Variants in SNX29 observed in about 807,000 individuals in gnomAD.
The protein encoded by SNX29 is sorting nexin 29, also known as sorting nexin-29.
In SNX29, 78 loss-of-function variants were observed where a neutral mutation model predicts 102.1. The ratio of observed to expected loss-of-function variants is 0.76; its 90% CI spans 0.64 to 0.92. The LOEUF is 0.92. Among genes scored for constraint, SNX29 ranks in the 40% least tolerant of loss-of-function variants. The pLI is 0.00. For synonymous variants in SNX29, 580 were observed against 414.5 expected (o/e 1.40, Z -4.85); for missense variants, 1,280 against 1,061.7 (o/e 1.21, Z -2.86).
At chr16:12,412,949 T>C (rs2084465326) in intron 18 of SNX29, among the ~76,000 whole-genome samples, 1 of 152,234 alleles carries the variant, frequency 6.6e-6, no homozygotes, top group Non-Finnish European at 1.5e-5. Context: ...TGGCTCTCTC[T>C]CCCTTTCCTG....
chr16:12,344,345 G>A (rs954169441), intron 15 of SNX29, among the ~76,000 whole-genome samples: 4 of 152,104 alleles, frequency 2.6e-5, no homozygotes, highest in Non-Finnish European at 5.9e-5. Flanking sequence ...CCAATCCCAC[G>A]GCCTTTAGTG....
chr16:12,183,674 G>C (rs1380577585), intron 13 of SNX29, among the ~76,000 whole-genome samples: 1 of 152,216 alleles, frequency 6.6e-6, no homozygotes, highest in African/African-American at 2.4e-5. Context: ...TGGAATAGGG[G>C]CTGGGTAGAA....
chr16:12,538,683 C>A (rs772228669), intron 20 of SNX29, among the ~76,000 whole-genome samples: 3 of 152,098 alleles, frequency 2.0e-5, no homozygotes, highest in East Asian at 1.9e-4. Flanking sequence ...CATCCTCCTC[C>A]CAGGACCAGT....
At chr16:12,533,267 C>T (rs940539216) in intron 20 of SNX29, among the ~76,000 whole-genome samples, 7 of 152,374 alleles carry the variant, frequency 4.6e-5, no homozygotes, top group Middle Eastern at 3.4e-3. Flanking sequence ...GAGTGCTTTG[C>T]AGAATCCGTA....
chr16:12,232,069 G>C (rs922658785), intron 14 of SNX29, among the ~76,000 whole-genome samples: 19 of 152,086 alleles, frequency 1.2e-4, no homozygotes, highest in Admixed American at 5.2e-4. Flanking sequence ...TGCCCTTCTG[G>C]TTGTGTGCCC....
At chr16:12,029,300 C>A (rs1483097902) in intron 4 of SNX29, among the ~76,000 whole-genome samples, 2 of 152,120 alleles carry the variant, frequency 1.3e-5, no homozygotes, top group Non-Finnish European at 2.9e-5. Context: ...GGGCATTATT[C>A]ATTGCGTGCA....
intron 18 of SNX29, among the ~76,000 whole-genome samples, chr16:12,449,402 G>C (rs147973454): frequency 4.9e-4 from 75 of 152,172 alleles, no homozygotes; most frequent in African/African-American, 1.7e-3. Context: ...ATATGTGTGA[G>C]CTTGGAGTGA....
chr16:12,110,886 C>T (rs980610110), intron 11 of SNX29, among the ~76,000 whole-genome samples: 3 of 151,490 alleles, frequency 2.0e-5, no homozygotes, highest in African/African-American at 4.9e-5. Context: ...TGCAGTGGTG[C>T]GATCATAGCC....
rs1248117981 is a variant in SNX29 at position 11,984,631 on chromosome 16, CCT to C, written c.7+7828_7+7829del. Among the ~76,000 whole-genome samples, 24 of 151,802 alleles carry C rather than the reference CCT, an allele frequency of 1.6e-4. 1 individual carries two copies. The South Asian group carries it at 5.0e-3, about 32-fold the overall frequency. On this transcript the variant is annotated intron_variant, in intron 1 of 20. Transcript: ENST00000566228. ...CCTCTCTCCCTCTCCTCCCTCTCTCCCTCTCTCTCTCCCTTCCTCCCTTTCCT... is the reference window on the plus strand; with the variant it reads ...CCTCTCTCCCTCTCCTCCCTCTCTCCCTCTCTCTCCCTTCCTCCCTTTCCT...
Position 12,573,478 on chromosome 16 carries a change from G to C in SNX29, c.*4849G>C, listed in dbSNP as rs1055061998. ...ACATTAAGGAGCAGCGCTGCTGGCG[G>C]AAGATTCTAGATTCACTGGTGGTTT... On this transcript the variant is annotated 3_prime_UTR_variant, in exon 21 of 21. Transcript: ENST00000566228. 5 of 223,978 alleles carry C rather than the reference G, an allele frequency of 2.2e-5. No individual in the cohort carries two copies. Among genetic ancestry groups the C allele is most frequent in the Non-Finnish European group, 4.4e-5 (5 of 112,386 alleles). The allele number at this position is 223,978 out of a possible 1,614,324, so 13.9% of individuals were successfully genotyped here. A position where few individuals can be genotyped will look rare whatever the true frequency, so the allele number is the denominator to read the frequency against.
chr16:12,469,397 C>T (rs896654944), intron 18 of SNX29, among the ~76,000 whole-genome samples: 1 of 152,346 alleles, frequency 6.6e-6, no homozygotes, highest in African/African-American at 2.4e-5. Context: ...TACATTAACA[C>T]AGGCCTTGAA....
intron 18 of SNX29, among the ~76,000 whole-genome samples, chr16:12,424,904 C>T (rs1475689988): frequency 1.3e-5 from 2 of 152,108 alleles, no homozygotes; most frequent in African/African-American, 2.4e-5. Flanking sequence ...ACTAATCAAC[C>T]ACATCAATAA....
chr16:12,572,055 G>T lies in SNX29; in HGVS notation c.*3426G>T, dbSNP rs931934403. ...TCATCCAGTGGAGTTGTAAACAAGG[G>T]AACCATCTTGCAAGATCTAGGAAGA... On this transcript the variant is annotated 3_prime_UTR_variant, in exon 21 of 21. Transcript: ENST00000566228. 1 of 1,063,478 alleles carries T rather than the reference G, an allele frequency of 9.4e-7. No individual in the cohort carries two copies. 65.9% of individuals were successfully genotyped at this position (1,063,478 alleles called of 1,614,324 possible).
At position 12,048,551 on chromosome 16, in the gene SNX29, G is replaced by A. The variant is rs143274296; in HGVS notation, c.679G>A (p.Val227Ile). The change falls in exon 7 of 21, where the codon GTC becomes ATC. Residue 227 changes from valine (V) to isoleucine (I), a missense_variant. Transcript: ENST00000566228. Reference sequence around the variant, plus strand: ...CAGGGAGATCACAGCCTCCTCTGCCGTCTCCATCCTCATCAAACCTGAACA... The same window carrying A: ...CAGGGAGATCACAGCCTCCTCTGCCATCTCCATCCTCATCAAACCTGAACA... ...LFREITASSA[V>I]SILIKPEQET... is the part of the protein sequence containing the mutation. The A allele has an allele frequency of 3.7e-5, 59 of 1,613,748 alleles. No homozygotes were observed. The highest frequency in any genetic ancestry group is 2.0e-4 in the East Asian group (9 of 44,892).
chr16:12,301,278 G>T (rs559669259), intron 15 of SNX29, among the ~76,000 whole-genome samples: 1 of 152,328 alleles, frequency 6.6e-6, no homozygotes, highest in Non-Finnish European at 1.5e-5. Flanking sequence ...TACTCTGCAA[G>T]CTGATTCCAA....
intron 1 of SNX29, among the ~76,000 whole-genome samples, chr16:11,998,405 A>C (rs1331017642): frequency 6.6e-6 from 1 of 152,108 alleles, no homozygotes; most frequent in Non-Finnish European, 1.5e-5. Flanking sequence ...AGCATATGTC[A>C]TGTGTGTCAG....
intron 19 of SNX29, among the ~76,000 whole-genome samples, chr16:12,484,786 C>A (rs1045874788): frequency 6.6e-6 from 1 of 152,186 alleles, no homozygotes; most frequent in Non-Finnish European, 1.5e-5. Flanking sequence ...ACTCTGCTGC[C>A]CTCAGTCACT....
At chr16:12,394,791 C>T (rs2083660329) in intron 16 of SNX29, among the ~76,000 whole-genome samples, 1 of 152,220 alleles carries the variant, frequency 6.6e-6, no homozygotes, top group Non-Finnish European at 1.5e-5. Flanking sequence ...CTCCTGATAT[C>T]TTTACTTCCT....
intron 3 of SNX29, among the ~76,000 whole-genome samples, chr16:12,007,068 T>A (rs1232997420): frequency 2.0e-5 from 3 of 149,684 alleles, no homozygotes; most frequent in Non-Finnish European, 3.0e-5. Flanking sequence ...AGGCTGAGTT[T>A]AAAAAAAAAA....
Sources: allele counts gnomAD v4.1 joint callset (sites outside exome capture counted in the v4.1 genomes callset), GRCh38; gene constraint gnomAD v4.1.1; transcripts MANE v1.5; gene names NCBI Gene and HGNC (gene_info 2026-07-23, HGNC 2026-07-21).